The following GAK variants were observed in gnomAD, a reference collection of about 807,000 sequenced individuals.
GAK encodes the protein cyclin-G-associated kinase.
A neutral mutation model predicts 143.9 loss-of-function variants in GAK; 79 were observed. The observed-to-expected ratio is 0.55, with a 90% CI of 0.46 to 0.66. The LOEUF (loss-of-function observed/expected upper bound fraction) is 0.66, where lower values mean the gene tolerates loss of function less well. Among genes scored for constraint, GAK ranks in the 30% least tolerant of loss-of-function variants. GAK has a pLI of 0.00. For missense variants in GAK, 1,693 were observed against 1,779.7 expected (o/e 0.95, Z 0.88); for synonymous variants, 881 against 765.5 (o/e 1.15, Z -2.49).
chr4:879,698 C>G (rs775606769), intron 15 of GAK, among the ~76,000 whole-genome samples: 1 of 152,136 alleles, frequency 6.6e-6, no homozygotes, highest in Non-Finnish European at 1.5e-5. Flanking sequence ...GCTTCTTGAA[C>G]CTGTGGACTG....
chr4:904,775 C>A lies in GAK; in HGVS notation c.387G>T (p.Gln129His). ...FLLLTELCKG[Q>H]LVEFLKKMES... The stretch of plus-strand genomic sequence containing the variant: ...CCATTTTCTTCAAAAATTCCACCAG[C>A]TGCCCTAAAAGAGAATGAAACTCAC... Residue 129 changes from glutamine (Q) to histidine (H), a missense_variant, in exon 5 of 28, where the codon CAG becomes CAT. Physicochemically the swap from Gln to His is conservative, Grantham distance 24. Coordinates refer to ENST00000314167, the MANE Select transcript of GAK (RefSeq NM_005255.4). 1 of 1,613,868 alleles carries A rather than the reference C, an allele frequency of 6.2e-7. No homozygotes were observed. The highest frequency in any genetic ancestry group is 8.5e-7 in the Non-Finnish European group (1 of 1,179,860).
intron 26 of GAK, chr4:850,329 C>G: frequency 2.4e-6 from 1 of 410,368 alleles, no homozygotes; most frequent in East Asian, 3.6e-5. Context: ...ACCGAGGACA[C>G]AAACCCTGGT....
chr4:865,663 G>C (rs1170987588), intron 22 of GAK, among the ~76,000 whole-genome samples: 2 of 152,202 alleles, frequency 1.3e-5, no homozygotes, highest in Non-Finnish European at 1.5e-5. Flanking sequence ...CCTGGCTCTG[G>C]CCACGCAGCA....
chr4:874,948 C>T (rs1360963122), intron 18 of GAK, among the ~76,000 whole-genome samples: 2 of 152,146 alleles, frequency 1.3e-5, no homozygotes, highest in Non-Finnish European at 2.9e-5. Context: ...TTCTGCTGTG[C>T]CTATTCCACT....
intron 6 of GAK, 115 bp from the exon 7 acceptor site, chr4:896,664 C>T (rs373021083): frequency 1.3e-6 from 1 of 788,472 alleles, no homozygotes. Flanking sequence ...GGCAGCCTGT[C>T]CCGCACACTA....
At chr4:899,475 A>T (rs1404202232) in intron 5 of GAK, among the ~76,000 whole-genome samples, 1 of 152,202 alleles carries the variant, frequency 6.6e-6, no homozygotes, top group Non-Finnish European at 1.5e-5. Flanking sequence ...CACGGACGGA[A>T]GGTGCTCGGC....
chr4:891,844 G>A (rs1434971821), intron 9 of GAK, among the ~76,000 whole-genome samples: 4 of 152,126 alleles, frequency 2.6e-5, no homozygotes, highest in Admixed American at 2.6e-4. Context: ...ATCCCTTCCT[G>A]CCGCTCTCTG....
chr4:893,381 G>A lies in GAK; in HGVS notation c.986C>T (p.Thr329Ile). The change falls in exon 9 of 28, where the codon ACA becomes ATA. Residue 329 changes from threonine to isoleucine, a missense_variant. Coordinates refer to ENST00000314167, the MANE Select transcript of GAK (RefSeq NM_005255.4). ...ARNVNPKSPI[T>I]ELLEQNGGYG... is the part of the protein sequence containing the mutation. ...GCTCACGTGTGCCTCCCTCACCTCTGTGATGGGAGACTTGGGGTTCACGTT... is the reference window on the plus strand; with the variant it reads ...GCTCACGTGTGCCTCCCTCACCTCTATGATGGGAGACTTGGGGTTCACGTT... 1.3e-6 allele frequency: 2 copies of A among 1,574,998 alleles called. No homozygotes were observed. Among genetic ancestry groups the A allele is most frequent in the Non-Finnish European group, 1.7e-6 (2 of 1,160,100 alleles).
intron 1 of GAK, among the ~76,000 whole-genome samples, 183 bp downstream of exon 1, chr4:931,860 C>T (rs1725898164): frequency 6.6e-6 from 1 of 152,188 alleles, no homozygotes; most frequent in African/African-American, 2.4e-5. Flanking sequence ...CGCGCTATGA[C>T]CTTCGCCTGG....
chr4:888,971 C>T lies in GAK; in HGVS notation c.1082-1G>A. 1 of 1,610,480 alleles carries T rather than the reference C, an allele frequency of 6.2e-7. No homozygotes were observed. Among genetic ancestry groups the T allele is most frequent in the Non-Finnish European group, 8.5e-7 (1 of 1,179,398 alleles). ...TGGTCGTACTCCGCCAGCGCCAGGCCTGCAGGGAGACACAGTCTCAGCAGG... is the reference window on the plus strand; with the variant it reads ...TGGTCGTACTCCGCCAGCGCCAGGCTTGCAGGGAGACACAGTCTCAGCAGG... On this transcript the variant is annotated splice_acceptor_variant, in intron 10 of 27. Coordinates refer to ENST00000314167, the MANE Select transcript of GAK (RefSeq NM_005255.4). LOFTEE classifies it high-confidence loss of function.
intron 24 of GAK, among the ~76,000 whole-genome samples, chr4:855,365 ACT>A (rs1748953916): frequency 6.6e-6 from 1 of 152,054 alleles, no homozygotes; most frequent in African/African-American, 2.4e-5. Context: ...TGTAAATGGT[ACT>A]GTTTTAAATG....
chr4:866,639 GC>G, intron 21 of GAK, 105 bp from the exon 22 acceptor site: 1 of 1,276,634 alleles, frequency 7.8e-7, no homozygotes, highest in Non-Finnish European at 1.1e-6. Flanking sequence ...CAGCTGGGCA[GC>G]CCAGACCCCA....
rs1297969134 is a variant in GAK at position 868,694 on chromosome 4, G to A, written c.2249-9C>T. On this transcript the variant is annotated splice_polypyrimidine_tract_variant and intron_variant, in intron 19 of 27. Coordinates refer to ENST00000314167, the MANE Select transcript of GAK (RefSeq NM_005255.4). Reference sequence around the variant, plus strand: ...GGGAAGCTCCGGCTTCCCTGCAGGAGAGGGAGGGCGTCAGGGCACTGGCAC... The same window carrying A: ...GGGAAGCTCCGGCTTCCCTGCAGGAAAGGGAGGGCGTCAGGGCACTGGCAC... The A allele has an allele frequency of 6.5e-7, 1 of 1,547,732 alleles. No homozygotes were observed. Among genetic ancestry groups the A allele is most frequent in the Non-Finnish European group, 8.7e-7 (1 of 1,146,458 alleles).
intron 22 of GAK, among the ~76,000 whole-genome samples, chr4:865,812 G>C (rs1414679133): frequency 6.6e-6 from 1 of 152,242 alleles, no homozygotes; most frequent in Non-Finnish European, 1.5e-5. Context: ...AGAGAACCCA[G>C]GCTCCTTCCC....
rs979304936 is a variant in GAK at position 881,344 on chromosome 4, C to T, written c.1661+563G>A. On this transcript the variant is annotated intron_variant, in intron 15 of 27. Coordinates refer to ENST00000314167, the MANE Select transcript of GAK (RefSeq NM_005255.4). ...TCATGGAGACCAAGGCCAGGGGAGG[C>T]TTTCTGCTGGGGTGGACTCCTCGGG... Among the ~76,000 whole-genome samples the T allele has an allele frequency of 7.2e-5, 11 of 152,328 alleles. No homozygotes were observed. The East Asian group carries it at 1.7e-3, about 24-fold the overall frequency.
In GAK at chr4:867,078, G is replaced by T; in HGVS notation, c.2750C>A (p.Pro917His). 1 of 1,543,062 alleles carries T rather than the reference G, an allele frequency of 6.5e-7. No individual in the cohort carries two copies. The highest frequency in any genetic ancestry group is 8.7e-7 in the Non-Finnish European group (1 of 1,144,120). ...GGGCCCCTGGGAGGCGGCCTCAGGG[G>T]GCCCAAGGAGGCAGCTGAGCAGGTC... Reference protein sequence around the residue: ...NTDLLSCLLGPPEAASQGPPE... With the variant: ...NTDLLSCLLGHPEAASQGPPE... Residue 917 changes from proline to histidine, a missense_variant, in exon 21 of 28, where the codon CCC (proline) becomes CAC (histidine). Physicochemically the swap from Pro to His is moderately conservative, Grantham distance 77. Transcript: ENST00000314167.
At chr4:858,739 G>A (rs768186057) in intron 24 of GAK, among the ~76,000 whole-genome samples, 1 of 152,220 alleles carries the variant, frequency 6.6e-6, no homozygotes, top group Non-Finnish European at 1.5e-5. Context: ...CAGCCCGGGA[G>A]AGAGTGAGGA....
intron 14 of GAK, among the ~76,000 whole-genome samples, 180 bp downstream of exon 14, chr4:882,517 C>T (rs934741990): frequency 2.0e-5 from 3 of 150,770 alleles, no homozygotes; most frequent in African/African-American, 4.9e-5. Context: ...GAGGGAAGGG[C>T]GGGGCCATCT....
chr4:850,923 C>T lies in GAK; in HGVS notation c.3657+13G>A, dbSNP rs549936853. Reference sequence around the variant, plus strand: ...GCCTCTGGGCTCCCAGGAAGAGCTGCCCACCCACCCACCTTCAGCTTGAGT... The same window carrying T: ...GCCTCTGGGCTCCCAGGAAGAGCTGTCCACCCACCCACCTTCAGCTTGAGT... On this transcript the variant is annotated intron_variant, in intron 26 of 27. Transcript: ENST00000314167. 1 of 1,608,720 alleles carries T rather than the reference C, an allele frequency of 6.2e-7. No individual in the cohort carries two copies. Among genetic ancestry groups the T allele is most frequent in the Non-Finnish European group, 8.5e-7 (1 of 1,176,750 alleles).
Sources: allele counts gnomAD v4.1 joint callset (sites outside exome capture counted in the v4.1 genomes callset), GRCh38; gene constraint gnomAD v4.1.1; transcripts MANE v1.5; gene names NCBI Gene and HGNC (gene_info 2026-07-23, HGNC 2026-07-21).